The following RFC1 variants were observed in gnomAD, a reference collection of about 807,000 sequenced individuals.
RFC1 encodes the protein replication factor C subunit 1, also known as A1 140 kDa subunit.
RFC1 carries 37 observed loss-of-function variants against 137.4 expected under a neutral mutation model. The observed-to-expected ratio is 0.27, with a 90% CI of 0.21 to 0.35. The LOEUF is 0.35. RFC1 is among the 10% of genes least tolerant of loss of function. The pLI is 1.00. For synonymous variants in RFC1, 429 were observed against 455.7 expected (o/e 0.94, Z 0.75); for missense variants, 1,205 against 1,358.5 (o/e 0.89, Z 1.78).
chr4:39,295,718 C>G lies in RFC1; in HGVS notation c.2850G>C (p.Gly950=). 2 of 1,613,414 alleles carry G rather than the reference C, an allele frequency of 1.2e-6. No individual in the cohort carries two copies. Among genetic ancestry groups the G allele is most frequent in the Non-Finnish European group, 1.7e-6 (2 of 1,179,646 alleles). Residue 950 remains glycine, a synonymous_variant, in exon 22 of 25, where the codon GGG becomes GGC. Transcript: ENST00000349703. ...GGAAGGTGGGAAACTGGGTCATGTACCCCCTCATCAACTCTCCAGGAAGAA... is the reference window on the plus strand; with the variant it reads ...GGAAGGTGGGAAACTGGGTCATGTAGCCCCTCATCAACTCTCCAGGAAGAA... ...ASVLPGELMR[G]YMTQFPTFPS... is the part of the protein sequence containing the mutation.
chr4:39,355,333 G>C lies in RFC1; in HGVS notation c.4-3857C>G, dbSNP rs546218749. Among the ~76,000 whole-genome samples the C allele has an allele frequency of 1.3e-4, 20 of 152,030 alleles. No homozygotes were observed. In the South Asian group the frequency reaches 3.1e-3, roughly 24 times the overall value. On this transcript the variant is annotated intron_variant, in intron 1 of 24. Transcript: ENST00000349703. ...GCCTGTAGTCCCAGCTACTCAGGAG[G>C]CTGGGGTGGCACTTGCGCGCCAAGA...
intron 22 of RFC1, among the ~76,000 whole-genome samples, chr4:39,292,567 T>G (rs1440177348): frequency 6.6e-6 from 1 of 152,132 alleles, no homozygotes; most frequent in Non-Finnish European, 1.5e-5. Flanking sequence ...TCCTAAATCT[T>G]TCCAACCCAG....
At chr4:39,325,332 T>C (rs1739709208) in intron 6 of RFC1, among the ~76,000 whole-genome samples, 1 of 152,206 alleles carries the variant, frequency 6.6e-6, no homozygotes, top group Admixed American at 6.5e-5. Context: ...GCTTCCTGTG[T>C]TCCAGCCTTA....
Position 39,288,605 on chromosome 4 carries a change from C to G in RFC1, c.*156G>C. The G allele has an allele frequency of 1.6e-6, 1 of 619,808 alleles. No individual in the cohort carries two copies. The highest frequency in any genetic ancestry group is 2.8e-5 in the East Asian group (1 of 36,096). 38.4% of individuals were successfully genotyped at this position (619,808 alleles called of 1,614,324 possible). On this transcript the variant is annotated 3_prime_UTR_variant, in exon 25 of 25. Transcript: ENST00000349703. ...GTGTACATAAGCCTACTGCTCATACCCTTCTAGCCATACCACCCTTTATTT... is the reference window on the plus strand; with the variant it reads ...GTGTACATAAGCCTACTGCTCATACGCTTCTAGCCATACCACCCTTTATTT...
Position 39,316,964 on chromosome 4 carries a change from T to C in RFC1, c.1154A>G (p.Tyr385Cys), listed in dbSNP as rs1739268913. The change falls in exon 10 of 25, where the codon TAC becomes TGC. Residue 385 changes from tyrosine to cysteine, a missense_variant. Physicochemically the swap from Tyr to Cys is radical, Grantham distance 194. Coordinates refer to ENST00000349703, the MANE Select transcript of RFC1 (RefSeq NM_002913.5). ...KRTNYQAYRS[Y>C]LNREGPKALG... ...AGCCTTGGGACCTTCTCGATTTAAG[T>C]AGCTTCGATAAGCTTGATAATTAGT... 1 of 1,614,152 alleles carries C rather than the reference T, an allele frequency of 6.2e-7. No homozygotes were observed.
intron 21 of RFC1, among the ~76,000 whole-genome samples, chr4:39,296,759 T>C (rs1165188334): frequency 1.3e-5 from 2 of 149,966 alleles, no homozygotes; most frequent in Non-Finnish European, 3.0e-5. Flanking sequence ...GTCATTTGGG[T>C]ATATACCCAG....
chr4:39,336,613 G>A (rs1484427863), intron 4 of RFC1, among the ~76,000 whole-genome samples: 1 of 152,266 alleles, frequency 6.6e-6, no homozygotes, highest in African/African-American at 2.4e-5. Context: ...TCTGTCCTGT[G>A]CATTGCGGGA....
Position 39,300,363 on chromosome 4 carries a change from G to A in RFC1, c.2587C>T (p.His863Tyr), listed in dbSNP as rs1218853685. 6.2e-7 allele frequency: 1 copy of A among 1,613,984 alleles called. No individual in the cohort carries two copies. ...TCTGACTTGTCCACAAGTGACATGTGAGCAGTCTCCTCTCCAGCTGCAAAC... is the reference window on the plus strand; with the variant it reads ...TCTGACTTGTCCACAAGTGACATGTAAGCAGTCTCCTCTCCAGCTGCAAAC... ...KVFAAGEETA[H>Y]MSLVDKSDLF... Residue 863 changes from histidine (H) to tyrosine (Y), a missense_variant, in exon 20 of 25, where the codon CAC (histidine) becomes TAC (tyrosine). Transcript: ENST00000349703.
chr4:39,331,051 T>C (rs1306261113), intron 4 of RFC1, among the ~76,000 whole-genome samples: 1 of 152,170 alleles, frequency 6.6e-6, no homozygotes, highest in African/African-American at 2.4e-5. Flanking sequence ...TCACCCATAA[T>C]AGTCCTAGTA....
Position 39,351,434 on chromosome 4 carries a change from G to A in RFC1, c.46C>T (p.Leu16Phe). The A allele has an allele frequency of 1.3e-6, 2 of 1,577,752 alleles. No individual in the cohort carries two copies. Among genetic ancestry groups the A allele is most frequent in the Non-Finnish European group, 1.7e-6 (2 of 1,164,994 alleles). Reference sequence around the variant, plus strand: ...TTCTTCTTTACTGTTTCACTTACAAGTTTCTTTCCACTTGGTATTACTCCA... The same window carrying A: ...TTCTTCTTTACTGTTTCACTTACAAATTTCTTTCCACTTGGTATTACTCCA... Reference protein sequence around the residue: ...FFGVIPSGKKLVSETVKKNEK... With the variant: ...FFGVIPSGKKFVSETVKKNEK... Residue 16 changes from leucine (L) to phenylalanine (F), a missense_variant, in exon 2 of 25, where the codon CTT becomes TTT. This residue lies in a region of RFC1 where 962 missense variants were observed against 1,035.3 expected (regional missense o/e 0.93). Transcript: ENST00000349703.
intron 1 of RFC1, among the ~76,000 whole-genome samples, chr4:39,362,924 T>C (rs764480855): frequency 5.3e-5 from 8 of 152,228 alleles, no homozygotes; most frequent in Non-Finnish European, 1.2e-4. Context: ...GCATATTATT[T>C]GGCAAAAGCT....
At chr4:39,344,400 G>A (rs1359028939) in intron 3 of RFC1, among the ~76,000 whole-genome samples, 1 of 152,118 alleles carries the variant, frequency 6.6e-6, no homozygotes, top group South Asian at 2.1e-4. Context: ...TTTAAAAACA[G>A]TATTCTAAGG....
intron 12 of RFC1, among the ~76,000 whole-genome samples, chr4:39,309,614 G>A (rs961640967): frequency 2.0e-5 from 3 of 152,198 alleles, no homozygotes; most frequent in Non-Finnish European, 2.9e-5. Context: ...CACGTGAAAC[G>A]TCCAGCATAG....
chr4:39,318,565 T>G (rs929124036), intron 9 of RFC1, among the ~76,000 whole-genome samples: 1 of 152,202 alleles, frequency 6.6e-6, no homozygotes, highest in African/African-American at 2.4e-5. Context: ...CCAAAACTGC[T>G]TAAGTAAAAG....
chr4:39,293,867 C>T (rs368759585), intron 22 of RFC1, among the ~76,000 whole-genome samples: 4 of 152,162 alleles, frequency 2.6e-5, no homozygotes, highest in African/African-American at 9.7e-5. Context: ...AAGAGGCAGC[C>T]GCAGCCTTGC....
In RFC1 at chr4:39,363,500, C is replaced by T. The variant is rs112418493; in HGVS notation, c.3+2739G>A. Among the ~76,000 whole-genome samples the T allele has an allele frequency of 3.1e-3, 474 of 152,260 alleles. 1 individual carries two copies. The highest frequency in any genetic ancestry group is 0.011 in the African/African-American group (446 of 41,520). ...CACAGTATTCCATTGTGTGAATACA[C>T]GTACTTTATTTCTTTATTGATAACT... On this transcript the variant is annotated intron_variant, in intron 1 of 24. Coordinates refer to ENST00000349703, the MANE Select transcript of RFC1 (RefSeq NM_002913.5).
intron 22 of RFC1, among the ~76,000 whole-genome samples, chr4:39,295,310 A>G (rs1015881051): frequency 1.3e-5 from 2 of 152,236 alleles, no homozygotes; most frequent in African/African-American, 2.4e-5. Flanking sequence ...TCCCACTAAT[A>G]GGCATAATAA....
chr4:39,313,588 G>A (rs1739079967), intron 10 of RFC1, among the ~76,000 whole-genome samples: 1 of 152,188 alleles, frequency 6.6e-6, no homozygotes, highest in African/African-American at 2.4e-5. Flanking sequence ...ACAAACTGCT[G>A]CTGGGTTGGA....
In RFC1 at chr4:39,303,150, A is replaced by T. The variant is rs777334711; in HGVS notation, c.2112T>A (p.Asn704Lys). ...NNTSIKGFYS[N>K]GAASSVSTKH... ...TCGTGCTTACTGAAGAGGCTGCTCC[A>T]TCTGACCCAGGTTGAGGAGCAATGG... is the stretch of plus-strand genomic sequence containing the variant. The change falls in exon 16 of 25, where the codon AAT (asparagine) becomes AAA (lysine). Residue 704 changes from asparagine (N) to lysine (K), a missense_variant and splice_region_variant. By Grantham distance (94) the Asn-to-Lys change is moderately conservative. Transcript: ENST00000349703. The T allele has an allele frequency of 2.2e-5, 35 of 1,611,062 alleles. No individual in the cohort carries two copies. The highest frequency in any genetic ancestry group is 3.0e-5 in the Non-Finnish European group (35 of 1,177,346).
Sources: gnomAD v4.1 joint callset for allele counts (sites outside exome capture counted in the v4.1 genomes callset) on GRCh38, gnomAD v4.1.1 for gene constraint, gnomAD v4.1.1 regional missense constraint, MANE v1.5 for transcripts, NCBI Gene and HGNC (gene_info 2026-07-23, HGNC 2026-07-21) for gene names.